CALCRL: variants seen among roughly 807,000 people sequenced by gnomAD.
CALCRL encodes calcitonin gene-related peptide type 1 receptor.
In CALCRL, 27 loss-of-function variants were observed where a neutral mutation model predicts 60.4. That is an observed-to-expected ratio of 0.45 (90% CI 0.33 to 0.62). The LOEUF (loss-of-function observed/expected upper bound fraction) is 0.62. Among genes scored for constraint, CALCRL ranks in the 20% least tolerant of loss-of-function variants. CALCRL has a pLI of 0.03. For synonymous variants in CALCRL, 190 were observed against 182.6 expected, an observed-to-expected ratio of 1.04 and a Z score of -0.33; for missense variants, 424 against 540.7, an observed-to-expected ratio of 0.78 and a Z score of 2.14.
chr2:187,439,194 A>G (rs982345512), intron 1 of CALCRL, among the ~76,000 whole-genome samples: 2 of 152,144 alleles, frequency 1.3e-5, no homozygotes, highest in Non-Finnish European at 2.9e-5. Context: ...ATAAAAAATA[A>G]TAGCAAGGTT....
chr2:187,360,746 A>C lies in CALCRL; in HGVS notation c.633T>G (p.Ser211Arg). Residue 211 changes from serine to arginine, a missense_variant, in exon 10 of 15, where the codon AGT (serine) becomes AGG (arginine). Physicochemically the swap from Ser to Arg is moderately radical, Grantham distance 110. Coordinates refer to ENST00000392370, the MANE Select transcript of CALCRL (RefSeq NM_005795.6). ...GATGAATGAACTGGGACACTTTGCAACTAACCTGTGAGGAAAAAAAAAACC... is the reference window on the plus strand; with the variant it reads ...GATGAATGAACTGGGACACTTTGCACCTAACCTGTGAGGAAAAAAAAAACC... ...NQALVATNPV[S>R]CKVSQFIHLY... The C allele has an allele frequency of 6.3e-7, 1 of 1,599,298 alleles. No individual in the cohort carries two copies. Among genetic ancestry groups the C allele is most frequent in the Non-Finnish European group, 8.5e-7 (1 of 1,175,406 alleles).
chr2:187,429,954 T>G (rs1319829380), intron 1 of CALCRL, among the ~76,000 whole-genome samples: 2 of 152,206 alleles, frequency 1.3e-5, no homozygotes, highest in East Asian at 3.8e-4. Flanking sequence ...TACACACAGA[T>G]AGTGGAGGCC....
chr2:187,420,740 A>G (rs982220930), intron 1 of CALCRL, among the ~76,000 whole-genome samples: 1 of 152,078 alleles, frequency 6.6e-6, no homozygotes, highest in African/African-American at 2.4e-5. Flanking sequence ...GGTTCAGAAC[A>G]GAGGAAGAAA....
At chr2:187,347,427 T>C (rs1686329900) in intron 14 of CALCRL, among the ~76,000 whole-genome samples, 1 of 151,854 alleles carries the variant, frequency 6.6e-6, no homozygotes, top group Non-Finnish European at 1.5e-5. Flanking sequence ...TTTCAGTGCT[T>C]TTCCAAAGGG....
At chr2:187,420,641 T>C (rs1250474963) in intron 1 of CALCRL, among the ~76,000 whole-genome samples, 1 of 152,190 alleles carries the variant, frequency 6.6e-6, no homozygotes, top group East Asian at 1.9e-4. Flanking sequence ...AAATATATGT[T>C]CAAGTGCATT....
At chr2:187,361,749 C>A (rs1288460884) in intron 9 of CALCRL, among the ~76,000 whole-genome samples, 2 of 151,720 alleles carry the variant, frequency 1.3e-5, no homozygotes, top group Non-Finnish European at 2.9e-5. Flanking sequence ...AACTTAGTAC[C>A]AGAGAAGTTA....
intron 1 of CALCRL, among the ~76,000 whole-genome samples, chr2:187,434,556 A>G (rs1690549263): frequency 6.6e-6 from 1 of 152,204 alleles, no homozygotes; most frequent in African/African-American, 2.4e-5. Context: ...ATAAATTGGC[A>G]TAAGCATTTT....
chr2:187,396,163 A>G (rs1688644066), intron 1 of CALCRL, among the ~76,000 whole-genome samples: 1 of 130,346 alleles, frequency 7.7e-6, no homozygotes, highest in South Asian at 2.6e-4. Flanking sequence ...AATTCAGGGA[A>G]AACATATCTA....
Position 187,342,115 on chromosome 2 carries a change from C to T in CALCRL, c.*4069G>A, listed in dbSNP as rs1686115730. Among the ~76,000 whole-genome samples the T allele has an allele frequency of 1.3e-5, 2 of 151,590 alleles. No individual in the cohort carries two copies. Among genetic ancestry groups the T allele is most frequent in the African/African-American group, 4.8e-5 (2 of 41,346 alleles). ...CCAAAACATGAATGAATTTTAAAAA[C>T]ATAAGTGAAATCATTTAGTCACAAA... On this transcript the variant is annotated 3_prime_UTR_variant, in exon 15 of 15. Transcript: ENST00000392370.
Position 187,415,752 on chromosome 2 carries a change from C to T in CALCRL, c.-292-27996G>A, listed in dbSNP as rs1461702607. ...GTGAGGGGGCTGGCATTGCTCTCAA[C>T]GACCACTTTGTCAAGCTCATTTCCT... On this transcript the variant is annotated intron_variant, in intron 1 of 14. Transcript: ENST00000392370. 53 of 503,236 alleles carry T rather than the reference C, an allele frequency of 1.1e-4. No individual in the cohort carries two copies. In the Admixed American group the frequency reaches 1.1e-3, roughly 11 times the overall value. 31.2% of individuals were successfully genotyped at this position (503,236 alleles called of 1,614,324 possible).
Position 187,363,383 on chromosome 2 carries a change from G to T in CALCRL, c.620C>A (p.Thr207Lys). 6.2e-7 allele frequency: 1 copy of T among 1,609,428 alleles called. No individual in the cohort carries two copies. Among genetic ancestry groups the T allele is most frequent in the South Asian group, 1.1e-5 (1 of 90,140 alleles). The stretch of plus-strand genomic sequence containing the variant: ...CAATCTTGGTTTACTTACAGGATTT[G>T]TGGCTACTAAGGCCTGGTTGTTGGC... ...AVANNQALVATNPVSCKVSQF... is the reference protein window; with the variant it reads ...AVANNQALVAKNPVSCKVSQF... Residue 207 changes from threonine (T) to lysine (K), a missense_variant, in exon 9 of 15, where the codon ACA (threonine) becomes AAA (lysine). This residue lies in a region of CALCRL where 43 missense variants were observed against 40.9 expected (regional missense o/e 1.05). Coordinates refer to ENST00000392370, the MANE Select transcript of CALCRL (RefSeq NM_005795.6).
In CALCRL at chr2:187,342,371, A is replaced by G. The variant is rs1686122598; in HGVS notation, c.*3813T>C. ...TTAAAATATACTCTACTAATATACTAAAAACTGCTTTGAATATGAAGTATT... is the reference window on the plus strand; with the variant it reads ...TTAAAATATACTCTACTAATATACTGAAAACTGCTTTGAATATGAAGTATT... On this transcript the variant is annotated 3_prime_UTR_variant, in exon 15 of 15. Coordinates refer to ENST00000392370, the MANE Select transcript of CALCRL (RefSeq NM_005795.6). 6.6e-6 allele frequency among the ~76,000 whole-genome samples: 1 copy of G among 151,726 alleles called. No homozygotes were observed. Among genetic ancestry groups the G allele is most frequent in the Non-Finnish European group, 1.5e-5 (1 of 67,698 alleles).
chr2:187,432,991 T>C lies in CALCRL; in HGVS notation c.-293+15048A>G, dbSNP rs565267431. On this transcript the variant is annotated intron_variant, in intron 1 of 14. Transcript: ENST00000392370. The stretch of plus-strand genomic sequence containing the variant: ...TAGTAGGCTATCCTATCTAGGTTTC[T>C]GTAAGTACCCTCTGTAATGTTCGCA... Among the ~76,000 whole-genome samples, 32 of 152,236 alleles carry C rather than the reference T, an allele frequency of 2.1e-4. 1 individual carries two copies. The South Asian group carries it at 4.6e-3, about 22-fold the overall frequency.
At chr2:187,415,975 C>G (rs966866117) in intron 1 of CALCRL, among the ~76,000 whole-genome samples, 1 of 152,106 alleles carries the variant, frequency 6.6e-6, no homozygotes, top group Non-Finnish European at 1.5e-5. Context: ...TCCATGCAGA[C>G]CCCCTGAAGA....
At chr2:187,424,221 T>C (rs931034801) in intron 1 of CALCRL, among the ~76,000 whole-genome samples, 2 of 152,074 alleles carry the variant, frequency 1.3e-5, no homozygotes, top group Non-Finnish European at 2.9e-5. Flanking sequence ...AATCAAGCTT[T>C]ACCCTCCTTT....
intron 4 of CALCRL, among the ~76,000 whole-genome samples, chr2:187,384,858 G>A (rs978696572): frequency 1.3e-4 from 20 of 151,986 alleles, no homozygotes; most frequent in African/African-American, 4.4e-4. Context: ...GTTTTATTTT[G>A]AGGTAGAGAA....
rs189673855 is a variant in CALCRL at position 187,430,253 on chromosome 2, A to G, written c.-293+17786T>C. Among the ~76,000 whole-genome samples, 13 of 152,326 alleles carry G rather than the reference A, an allele frequency of 8.5e-5. No homozygotes were observed. In the East Asian group the frequency reaches 2.3e-3, roughly 27 times the overall value. ...AAAGACATGCTGTGGGAGAAAGAAC[A>G]ATTATAGAGGATCTATTTTTGGGTC... On this transcript the variant is annotated intron_variant, in intron 1 of 14. Coordinates refer to ENST00000392370, the MANE Select transcript of CALCRL (RefSeq NM_005795.6).
chr2:187,356,718 C>A (rs927451534), intron 12 of CALCRL, among the ~76,000 whole-genome samples: 26 of 152,152 alleles, frequency 1.7e-4, no homozygotes, highest in African/African-American at 6.3e-4. Flanking sequence ...AACAGGCTAC[C>A]TACAGAATGG....
At chr2:187,378,734 C>T (rs1687868528) in intron 8 of CALCRL, among the ~76,000 whole-genome samples, 2 of 152,076 alleles carry the variant, frequency 1.3e-5, no homozygotes, top group Non-Finnish European at 2.9e-5. Flanking sequence ...TATATGCCTA[C>T]TAATTTTGTA....
Sources: gnomAD v4.1 joint callset for allele counts (sites outside exome capture counted in the v4.1 genomes callset) on GRCh38, gnomAD v4.1.1 for gene constraint, gnomAD v4.1.1 regional missense constraint, MANE v1.5 for transcripts, NCBI Gene and HGNC (gene_info 2026-07-23, HGNC 2026-07-21) for gene names.